PAQR5: variants seen among roughly 807,000 people sequenced by gnomAD.
The protein encoded by PAQR5 is progestin and adipoQ receptor family member 5, also known as membrane progestin receptor gamma.
PAQR5 carries 20 observed loss-of-function variants against 34.5 expected under a neutral mutation model. That is an observed-to-expected ratio of 0.58 (90% CI 0.41 to 0.84). The LOEUF (loss-of-function observed/expected upper bound fraction) is 0.84, where lower values mean the gene tolerates loss of function less well. Among genes scored for constraint, PAQR5 ranks in the 40% least tolerant of loss-of-function variants. The probability of loss-of-function intolerance (pLI) is 0.00; values close to 1 mark genes in which losing one functional copy is unlikely to be tolerated. For synonymous variants in PAQR5, 131 were observed against 155.6 expected (o/e 0.84, Z 1.18); for missense variants, 378 against 412.7 (o/e 0.92, Z 0.73).
intron 1 of PAQR5, among the ~76,000 whole-genome samples, chr15:69,327,705 GGCAGTGGCT>G (rs1226264337): frequency 6.6e-6 from 1 of 152,150 alleles, no homozygotes; most frequent in Non-Finnish European, 1.5e-5. Context: ...CATCTCCAGT[GGCAGTGGCT>G]GCAGGGAGGA....
intron 2 of PAQR5, among the ~76,000 whole-genome samples, chr15:69,358,275 A>T (rs2055131966): frequency 6.6e-6 from 1 of 152,134 alleles, no homozygotes; most frequent in South Asian, 2.1e-4. Flanking sequence ...CATTTAAGCA[A>T]TCTTGTTACT....
chr15:69,377,751 C>T lies in PAQR5; in HGVS notation c.52-2132C>T, dbSNP rs534496819. Among the ~76,000 whole-genome samples, 15 of 152,176 alleles carry T rather than the reference C, an allele frequency of 9.9e-5. No individual in the cohort carries two copies. The South Asian group carries it at 2.5e-3, about 25-fold the overall frequency. On this transcript the variant is annotated intron_variant, in intron 3 of 8. Coordinates refer to ENST00000395407, the MANE Select transcript of PAQR5 (RefSeq NM_017705.4). ...CTTTTCTCAAGGCCACATGGCACCT[C>T]GGGGACCCAGATTTGACTCATTACT...
At chr15:69,312,517 C>G (rs775709302) in intron 1 of PAQR5, among the ~76,000 whole-genome samples, 2 of 151,594 alleles carry the variant, frequency 1.3e-5, no homozygotes, top group Non-Finnish European at 2.9e-5. Context: ...AAAAGTCATC[C>G]TCTTCTCTCT....
Position 69,406,174 on chromosome 15 carries a change from A to G in PAQR5, c.*2352A>G, listed in dbSNP as rs2140288419. 6.6e-6 allele frequency: 1 copy of G among 152,296 alleles called. No individual in the cohort carries two copies. 9.4% of individuals were successfully genotyped at this position (152,296 alleles called of 1,614,324 possible). On this transcript the variant is annotated 3_prime_UTR_variant, in exon 9 of 9. Coordinates refer to ENST00000395407, the MANE Select transcript of PAQR5 (RefSeq NM_017705.4). ...ATGTGACACATTCCCATTGGTAACA[A>G]TTGCTCACCATGGCATTGTCTCAAA... is the stretch of plus-strand genomic sequence containing the variant.
rs1566986214 is a variant in PAQR5, at chr15:69,300,857, C to CGT, written c.-277+1801_-277+1802insGT. On this transcript the variant is annotated intron_variant, in intron 1 of 8. Transcript: ENST00000395407. ...TTTAGTTCGTTTTCTTTCTTTCTTTCTTTCTTTCTTTCTTTCTTTCTTTCT... is the reference window on the plus strand; with the variant it reads ...TTTAGTTCGTTTTCTTTCTTTCTTTCGTTTTCTTTCTTTCTTTCTTTCTTTCT... Among the ~76,000 whole-genome samples the CGT allele has an allele frequency of 4.7e-3, 71 of 14,984 alleles. 19 individuals carry two copies. The highest frequency in any genetic ancestry group is 0.012 in the South Asian group (3 of 246). The allele number at this position is 14,984 out of a possible 152,430, so 9.8% of individuals were successfully genotyped here.
At chr15:69,313,756 T>A (rs903333562) in intron 1 of PAQR5, among the ~76,000 whole-genome samples, 1 of 151,654 alleles carries the variant, frequency 6.6e-6, no homozygotes, top group Non-Finnish European at 1.5e-5. Flanking sequence ...TGGCGACTGG[T>A]CACCCTGGGG....
intron 2 of PAQR5, among the ~76,000 whole-genome samples, chr15:69,350,985 G>A (rs997346961): frequency 1.3e-5 from 2 of 152,192 alleles, no homozygotes; most frequent in African/African-American, 4.8e-5. Context: ...TGTTACTGTG[G>A]CCCTCTAGTC....
rs201766941 is a variant in PAQR5 at position 69,363,549 on chromosome 15, G to GT, written c.51+3433dup. 3.0e-3 allele frequency among the ~76,000 whole-genome samples: 165 copies of GT among 54,318 alleles called. 2 individuals are homozygous for GT. Among genetic ancestry groups the GT allele is most frequent in the African/African-American group, 6.6e-3 (162 of 24,450 alleles). 35.6% of individuals were successfully genotyped at this position (54,318 alleles called of 152,430 possible). ...AATTGCTAATCTGTTTTTTGTTTTT[G>GT]TTTTTTTTTTTTTTTGAGACAGAGT... On this transcript the variant is annotated intron_variant, in intron 3 of 8. Coordinates refer to ENST00000395407, the MANE Select transcript of PAQR5 (RefSeq NM_017705.4).
At chr15:69,315,935 AG>A (rs2140566284) in intron 1 of PAQR5, among the ~76,000 whole-genome samples, 1 of 152,238 alleles carries the variant, frequency 6.6e-6, no homozygotes, top group South Asian at 2.1e-4. Context: ...CAGGAGCTCA[AG>A]GCCAGCCTGG....
At chr15:69,392,197 C>T (rs1009044225) in intron 6 of PAQR5, 5 of 160,706 alleles carry the variant, frequency 3.1e-5, no homozygotes, top group Admixed American at 6.5e-5. Context: ...AGGCTGGTCT[C>T]GAGCTCCTGA....
intron 1 of PAQR5, among the ~76,000 whole-genome samples, chr15:69,309,010 G>GAA (rs1380983858): frequency 6.6e-6 from 1 of 152,214 alleles, no homozygotes; most frequent in Non-Finnish European, 1.5e-5. Context: ...CTAGAAGCTG[G>GAA]TGAATTACAT....
chr15:69,340,057 G>T (rs1380056010), intron 2 of PAQR5, among the ~76,000 whole-genome samples: 3 of 151,816 alleles, frequency 2.0e-5, no homozygotes, highest in Non-Finnish European at 4.4e-5. Context: ...GTAGAGATGG[G>T]GTTTCTCCAT....
chr15:69,396,098 T>C (rs2056422120), intron 6 of PAQR5, among the ~76,000 whole-genome samples: 1 of 151,384 alleles, frequency 6.6e-6, no homozygotes. Context: ...CCTGACCAGA[T>C]CTGGCACCTG....
rs1451422203 is a variant in PAQR5 at position 69,397,627 on chromosome 15, GAGCTTCTGGGGGGT to G, written c.609+64_609+77del. On this transcript the variant is annotated intron_variant, in intron 7 of 8. Coordinates refer to ENST00000395407, the MANE Select transcript of PAQR5 (RefSeq NM_017705.4). ...ACACCAGGAAGTCAGTTGTTTTCCT[GAGCTTCTGGGGGGT>G]CACAGCACTGCAATGGGAACCGCAG... The G allele has an allele frequency of 2.7e-6, 3 of 1,103,798 alleles. No individual in the cohort carries two copies. In the East Asian group the frequency reaches 7.0e-5, roughly 26 times the overall value. The allele number at this position is 1,103,798 out of a possible 1,614,324, so 68.4% of individuals were successfully genotyped here.
rs372170334 is a variant in PAQR5 at position 69,362,133 on chromosome 15, G to A, written c.51+2002G>A. ...CCTGCTGGGAATCTGAATGTATGGA[G>A]ATTCTGAATGTCAGGGCTGGACAAC... is the stretch of plus-strand genomic sequence containing the variant. On this transcript the variant is annotated intron_variant, in intron 3 of 8. Coordinates refer to ENST00000395407, the MANE Select transcript of PAQR5 (RefSeq NM_017705.4). 2.6e-5 allele frequency among the ~76,000 whole-genome samples: 4 copies of A among 152,310 alleles called. No individual in the cohort carries two copies. In the East Asian group the frequency reaches 5.8e-4, roughly 22 times the overall value.
intron 1 of PAQR5, among the ~76,000 whole-genome samples, chr15:69,325,585 CTGAATGAATGAATGAATGAA>C (rs67697746): frequency 4.7e-5 from 7 of 150,268 alleles, no homozygotes; most frequent in African/African-American, 7.4e-5. Flanking sequence ...GAAATGTGTG[CTGAATGAATGAATGAATGAA>C]TGAATGAATG....
At chr15:69,323,541 C>G (rs7165472) in intron 1 of PAQR5, among the ~76,000 whole-genome samples, 1,694 of 152,278 alleles carry the variant, frequency 0.011, 39 homozygotes, top group African/African-American at 0.038. Flanking sequence ...AAGCAAATGC[C>G]AGCATTTGCA....
chr15:69,357,254 G>GTGTTTCTT (rs113339540), intron 2 of PAQR5, among the ~76,000 whole-genome samples: 1 of 149,368 alleles, frequency 6.7e-6, no homozygotes, highest in Non-Finnish European at 1.5e-5. Context: ...CAGTCTCAGG[G>GTGTTTCTT]TGTTTGTTTG....
chr15:69,371,763 A>T lies in PAQR5; in HGVS notation c.52-8120A>T, dbSNP rs570535433. Among the ~76,000 whole-genome samples, 153 of 152,350 alleles carry T rather than the reference A, an allele frequency of 1.0e-3. 3 individuals are homozygous for T. The South Asian group carries it at 0.03, about 30-fold the overall frequency. ...AAGTCCTATACATATTTAAAATAAT[A>T]AATACGTATTTTTAATCCCTTTAAA... is the stretch of plus-strand genomic sequence containing the variant. On this transcript the variant is annotated intron_variant, in intron 3 of 8. Transcript: ENST00000395407.
Sources: gnomAD v4.1 joint callset for allele counts (sites outside exome capture counted in the v4.1 genomes callset) on GRCh38, gnomAD v4.1.1 for gene constraint, MANE v1.5 for transcripts, NCBI Gene and HGNC (gene_info 2026-07-23, HGNC 2026-07-21) for gene names.